VKORC1L1: variants seen among roughly 807,000 people sequenced by gnomAD.
The protein encoded by VKORC1L1 is vitamin K epoxide reductase complex subunit 1L1, also known as vitamin K epoxide reductase complex subunit 1-like protein 1.
VKORC1L1 carries 2 observed loss-of-function variants against 18.9 expected under a neutral mutation model. The observed-to-expected ratio is 0.11, with a 90% CI of 0.04 to 0.33. The LOEUF (loss-of-function observed/expected upper bound fraction) is 0.33. Among genes scored for constraint, VKORC1L1 ranks in the 10% least tolerant of loss-of-function variants. The pLI is 1.00. For synonymous variants in VKORC1L1, 96 were observed against 100.0 expected, an observed-to-expected ratio of 0.96 and a Z score of 0.24; for missense variants, 123 against 224.1, an observed-to-expected ratio of 0.55 and a Z score of 2.88.
intron 1 of VKORC1L1, among the ~76,000 whole-genome samples, chr7:65,890,507 T>A (rs938289581): frequency 5.3e-5 from 8 of 152,076 alleles, no homozygotes; most frequent in Admixed American, 3.9e-4. Context: ...CACCTCAGGT[T>A]ATCCACCTGC....
upstream of VKORC1L1, among the ~76,000 whole-genome samples, chr7:65,869,597 G>A (rs1340088229): frequency 2.7e-5 from 4 of 145,662 alleles, no homozygotes; most frequent in African/African-American, 1.0e-4. Context: ...CCTCAGGAAA[G>A]CAGAAGGACT....
At chr7:65,892,126 T>C (rs1232860144) in intron 1 of VKORC1L1, among the ~76,000 whole-genome samples, 2 of 152,238 alleles carry the variant, frequency 1.3e-5, no homozygotes, top group African/African-American at 4.8e-5. Flanking sequence ...TTGCATTCAT[T>C]CTCATGGCTG....
chr7:65,941,673 GTTTTTTTTTTT>G (rs57537567), intron 1 of VKORC1L1, among the ~76,000 whole-genome samples: 1 of 66,500 alleles, frequency 1.5e-5, no homozygotes, highest in African/African-American at 5.6e-5. Context: ...TTTTCTTAAG[GTTTTTTTTTTT>G]TTTTTTTTTT....
At chr7:65,937,593 G>T (rs1174344683) in intron 1 of VKORC1L1, among the ~76,000 whole-genome samples, 1 of 151,764 alleles carries the variant, frequency 6.6e-6, no homozygotes, top group Non-Finnish European at 1.5e-5. Context: ...TGTTTGTTTC[G>T]GTAGAGTCAG....
chr7:65,887,025 G>T lies in VKORC1L1; in HGVS notation c.194+13460G>T, dbSNP rs1217074839. On this transcript the variant is annotated intron_variant, in intron 1 of 2. Transcript: ENST00000360768. ...CCACCAACCCTGGCTGATTTTACAT[G>T]TTTTTAGTAGAGATGAGGTTTCACC... Among the ~76,000 whole-genome samples, 3 of 143,874 alleles carry T rather than the reference G, an allele frequency of 2.1e-5. No individual in the cohort carries two copies. The East Asian group carries it at 6.4e-4, about 31-fold the overall frequency. The allele number at this position is 143,874 out of a possible 152,430, so 94.4% of individuals were successfully genotyped here. A position where few individuals can be genotyped will look rare whatever the true frequency, so the allele number is the denominator to read the frequency against.
chr7:65,870,396 C>A (rs1347799620), upstream of VKORC1L1, among the ~76,000 whole-genome samples: 5 of 151,972 alleles, frequency 3.3e-5, no homozygotes, highest in Non-Finnish European at 7.4e-5. Context: ...CATCATTGCC[C>A]TCCAGCCTGG....
At position 65,873,120 on chromosome 7, in the gene VKORC1L1, C is replaced by A. The variant is rs1357999576; in HGVS notation, c.-252C>A. The A allele has an allele frequency of 3.7e-5, 9 of 240,196 alleles. No homozygotes were observed. Among genetic ancestry groups the A allele is most frequent in the African/African-American group, 2.1e-4 (9 of 42,760 alleles). 14.9% of individuals were successfully genotyped at this position (240,196 alleles called of 1,614,324 possible). ...CCTCTTCGGCCGTTGCGCACTCCAC[C>A]CCCTCCCTCCGCGCCCGCGCGCGCC... On this transcript the variant is annotated 5_prime_UTR_variant, in exon 1 of 3. Transcript: ENST00000360768.
At chr7:65,921,028 C>T (rs1789666898) in intron 1 of VKORC1L1, among the ~76,000 whole-genome samples, 1 of 151,988 alleles carries the variant, frequency 6.6e-6, no homozygotes, top group Non-Finnish European at 1.5e-5. Context: ...TTTTCATAGA[C>T]TGCTTCTCTT....
intron 1 of VKORC1L1, among the ~76,000 whole-genome samples, chr7:65,938,167 C>T (rs913547433): frequency 2.8e-4 from 42 of 151,834 alleles, no homozygotes; most frequent in African/African-American, 7.7e-4. Flanking sequence ...GAGATCAAGC[C>T]GCTGTGCGAC....
chr7:65,947,857 A>AT (rs1388955289), intron 1 of VKORC1L1, among the ~76,000 whole-genome samples: 1 of 151,952 alleles, frequency 6.6e-6, no homozygotes, highest in South Asian at 2.1e-4. Context: ...TGTCCGGCTA[A>AT]TTTTTTGTAT....
chr7:65,886,889 G>A (rs542776798), intron 1 of VKORC1L1, among the ~76,000 whole-genome samples: 6 of 124,088 alleles, frequency 4.8e-5, no homozygotes, highest in Non-Finnish European at 9.6e-5. Context: ...TTACTCTGTC[G>A]CCCAAGCTGA....
At chr7:65,872,516 C>T (rs189438351), upstream of VKORC1L1, among the ~76,000 whole-genome samples, 287 of 152,044 alleles carry the variant, frequency 1.9e-3, 3 homozygotes, top group African/African-American at 6.7e-3. Context: ...TTAGTAGAGA[C>T]GCGGTTACGC....
rs1489370940 is a variant in VKORC1L1 at position 65,954,830 on chromosome 7, A to G, written c.*530A>G. ...GAAATATTAGATCCATTTCTGCAGA[A>G]CTTACTGTACAGTTTAGTTGGAGTG... is the stretch of plus-strand genomic sequence containing the variant. On this transcript the variant is annotated 3_prime_UTR_variant, in exon 3 of 3. Transcript: ENST00000360768. 2 of 160,040 alleles carry G rather than the reference A, an allele frequency of 1.2e-5. No individual in the cohort carries two copies. The highest frequency in any genetic ancestry group is 6.0e-5 in the Admixed American group (1 of 16,730). 9.9% of individuals were successfully genotyped at this position (160,040 alleles called of 1,614,324 possible).
chr7:65,874,945 A>C (rs931531201), intron 1 of VKORC1L1, among the ~76,000 whole-genome samples: 18 of 152,360 alleles, frequency 1.2e-4, no homozygotes, highest in Non-Finnish European at 2.4e-4. Context: ...ATCAAGTAGT[A>C]TATTAAAAGT....
intron 1 of VKORC1L1, among the ~76,000 whole-genome samples, chr7:65,923,393 C>T (rs1445830854): frequency 6.6e-6 from 1 of 151,324 alleles, no homozygotes. Context: ...CGATAGAGAC[C>T]CTGTCTCAAA....
At chr7:65,917,583 A>C (rs1022099580) in intron 1 of VKORC1L1, among the ~76,000 whole-genome samples, 1 of 151,876 alleles carries the variant, frequency 6.6e-6, no homozygotes, top group Non-Finnish European at 1.5e-5. Context: ...TATTATGAAA[A>C]TATGAAACAT....
intron 1 of VKORC1L1, among the ~76,000 whole-genome samples, chr7:65,894,734 G>C (rs1332333564): frequency 6.6e-6 from 1 of 151,868 alleles, no homozygotes; most frequent in Non-Finnish European, 1.5e-5. Context: ...TCTCAAAAAG[G>C]AAAAAGAAAG....
chr7:65,871,070 G>T (rs574313280), upstream of VKORC1L1, among the ~76,000 whole-genome samples: 3 of 152,290 alleles, frequency 2.0e-5, no homozygotes, highest in Non-Finnish European at 4.4e-5. Flanking sequence ...CACCCCACCT[G>T]GGCAGAGCAA....
Position 65,873,091 on chromosome 7 carries a change from C to G in VKORC1L1, c.-281C>G, listed in dbSNP as rs1788750697. Among the ~76,000 whole-genome samples the G allele has an allele frequency of 1.3e-5, 2 of 149,214 alleles. No individual in the cohort carries two copies. The highest frequency in any genetic ancestry group is 2.1e-4 in the South Asian group (1 of 4,780). Reference sequence around the variant, plus strand: ...GCCGCCTCAGTCTCCGCCCGCCGATCCGGCCTCTTCGGCCGTTGCGCACTC... The same window carrying G: ...GCCGCCTCAGTCTCCGCCCGCCGATGCGGCCTCTTCGGCCGTTGCGCACTC... On this transcript the variant is annotated 5_prime_UTR_variant, in exon 1 of 3. It adds an upstream start codon to the 5' untranslated region. Coordinates refer to ENST00000360768, the MANE Select transcript of VKORC1L1 (RefSeq NM_173517.6).
Sources: gnomAD v4.1 joint callset for allele counts (sites outside exome capture counted in the v4.1 genomes callset) on GRCh38, gnomAD v4.1.1 for gene constraint, MANE v1.5 for transcripts, NCBI Gene and HGNC (gene_info 2026-07-23, HGNC 2026-07-21) for gene names.